FOXP2: variants seen among roughly 807,000 people sequenced by gnomAD.
The protein encoded by FOXP2 is forkhead box P2.
In FOXP2, 12 loss-of-function variants were observed where a neutral mutation model predicts 115.8. The ratio of observed to expected loss-of-function variants is 0.10; its 90% CI spans 0.07 to 0.17. FOXP2 has a LOEUF of 0.17. FOXP2 is among the 10% of genes least tolerant of loss of function. FOXP2 has a pLI of 1.00. For missense variants in FOXP2, 629 were observed against 843.5 expected (o/e 0.75, Z 3.15); for synonymous variants, 328 against 297.7 (o/e 1.10, Z -1.05).
chr7:114,329,128 G>A (rs1797632107), intron 2 of FOXP2, among the ~76,000 whole-genome samples: 1 of 152,130 alleles, frequency 6.6e-6, no homozygotes. Context: ...ATTGAATGCT[G>A]TTTGCCTTTA....
chr7:114,308,840 T>C lies in FOXP2; in HGVS notation c.-11+20731T>C, dbSNP rs138548710. Among the ~76,000 whole-genome samples, 488 of 152,280 alleles carry C rather than the reference T, an allele frequency of 3.2e-3. 4 individuals carry two copies. Among genetic ancestry groups the C allele is most frequent in the African/African-American group, 0.011 (469 of 41,566 alleles). On this transcript the variant is annotated intron_variant, in intron 2 of 17. Transcript: ENST00000634411. ...CATGGCCAGAGTTGGCTGATTAGAC[T>C]GAAACGGTGCCATTGTAATCCAAAA...
At chr7:114,464,662 A>G (rs535238025) in intron 2 of FOXP2, among the ~76,000 whole-genome samples, 3 of 152,278 alleles carry the variant, frequency 2.0e-5, no homozygotes, top group Admixed American at 6.5e-5. Context: ...TTTTTTCACC[A>G]TTTGTTTCAG....
intron 3 of FOXP2, among the ~76,000 whole-genome samples, chr7:114,565,977 A>G (rs200532438): frequency 6.6e-6 from 1 of 152,084 alleles, no homozygotes; most frequent in East Asian, 1.9e-4. Context: ...GCAATTTAAA[A>G]TTTGTTTTTC....
At chr7:114,131,059 C>T (rs1490827724) in intron 1 of FOXP2, among the ~76,000 whole-genome samples, 1 of 152,126 alleles carries the variant, frequency 6.6e-6, no homozygotes, top group African/African-American at 2.4e-5. Flanking sequence ...CAACAGTTTA[C>T]GTATTTTTTC....
intron 2 of FOXP2, among the ~76,000 whole-genome samples, chr7:114,395,218 A>G (rs1184611325): frequency 1.3e-5 from 2 of 152,216 alleles, no homozygotes; most frequent in African/African-American, 2.4e-5. Flanking sequence ...AGTGTTTATA[A>G]TTTATTAGAA....
intron 2 of FOXP2, among the ~76,000 whole-genome samples, chr7:114,509,978 G>T (rs899982651): frequency 2.0e-5 from 3 of 151,984 alleles, no homozygotes; most frequent in Non-Finnish European, 4.4e-5. Flanking sequence ...AGAAAACATG[G>T]TCAGAAAGCT....
At chr7:114,433,932 G>T (rs1376229249) in intron 2 of FOXP2, among the ~76,000 whole-genome samples, 2 of 151,770 alleles carry the variant, frequency 1.3e-5, no homozygotes, top group African/African-American at 4.8e-5. Flanking sequence ...AATTCATCTG[G>T]CAAAAGAGGA....
At chr7:114,211,382 A>G (rs1195168316) in intron 1 of FOXP2, among the ~76,000 whole-genome samples, 4 of 152,176 alleles carry the variant, frequency 2.6e-5, no homozygotes, top group Non-Finnish European at 5.9e-5. Context: ...GGTTGCAAAG[A>G]TCCACGGGAA....
chr7:114,276,384 C>T (rs1562849697), intron 1 of FOXP2, among the ~76,000 whole-genome samples: 1 of 152,008 alleles, frequency 6.6e-6, no homozygotes, highest in African/African-American at 2.4e-5. Flanking sequence ...AGGCTGGTCT[C>T]GAACTCCTGA....
At chr7:114,405,932 A>G (rs1210298120) in intron 2 of FOXP2, among the ~76,000 whole-genome samples, 1 of 151,794 alleles carries the variant, frequency 6.6e-6, no homozygotes, top group Non-Finnish European at 1.5e-5. Context: ...CTTCTTTGAT[A>G]ATGCTGACTT....
At chr7:114,651,590 A>T (rs1379278574) in intron 8 of FOXP2, among the ~76,000 whole-genome samples, 1 of 152,118 alleles carries the variant, frequency 6.6e-6, no homozygotes. Context: ...TAAAAATAAG[A>T]TTAGGACAAA....
At chr7:114,574,031 C>T (rs1291272337) in intron 3 of FOXP2, among the ~76,000 whole-genome samples, 1 of 151,688 alleles carries the variant, frequency 6.6e-6, no homozygotes, top group Admixed American at 6.6e-5. Flanking sequence ...TGGCCATCCC[C>T]TGAGTATTGT....
intron 1 of FOXP2, among the ~76,000 whole-genome samples, chr7:114,163,314 T>C (rs1792889561): frequency 6.6e-6 from 1 of 152,148 alleles, no homozygotes; most frequent in Admixed American, 6.5e-5. Context: ...TTAATATTAA[T>C]TGTATTTTCT....
At chr7:114,534,731 G>A (rs1221407064) in intron 3 of FOXP2, 25 bp downstream of exon 3, 1 of 1,577,372 alleles carries the variant, frequency 6.3e-7, no homozygotes, top group East Asian at 2.2e-5. Flanking sequence ...CCTGTCCTTG[G>A]GGTCTTATTT....
intron 1 of FOXP2, among the ~76,000 whole-genome samples, chr7:114,138,481 T>C (rs1332148605): frequency 1.3e-5 from 2 of 150,038 alleles, no homozygotes; most frequent in African/African-American, 4.9e-5. Flanking sequence ...AACCTCTGCC[T>C]CCCGGGTTCA....
In FOXP2 at chr7:114,691,929, C is replaced by CAAAAAAAAAAAAAGA; in HGVS notation, c.*2016_*2030dup. The CAAAAAAAAAAAAAGA allele has an allele frequency of 4.0e-6, 1 of 250,940 alleles. No homozygotes were observed. Among genetic ancestry groups the CAAAAAAAAAAAAAGA allele is most frequent in the Non-Finnish European group, 7.2e-6 (1 of 138,918 alleles). The allele number at this position is 250,940 out of a possible 1,614,324, so 15.5% of individuals were successfully genotyped here. A position where few individuals can be genotyped will look rare whatever the true frequency, so the allele number is the denominator to read the frequency against. On this transcript the variant is annotated 3_prime_UTR_variant, in exon 17 of 17. Transcript: ENST00000350908. ...GGCTTTCTGAAAGCTTCTACCTCTG[C>CAAAAAAAAAAAAAGA]AAAAAAAAAAAAAGAAAAAAAAAAA... is the stretch of plus-strand genomic sequence containing the variant.
In FOXP2 at chr7:114,587,882, T is replaced by TATATATATATATAAAGGTG. The variant is rs1401649414; in HGVS notation, c.259-40658_259-40657insATATATATATATAAAGGTG. Among the ~76,000 whole-genome samples the TATATATATATATAAAGGTG allele has an allele frequency of 3.3e-5, 2 of 61,326 alleles. 1 individual carries two copies. Among genetic ancestry groups the TATATATATATATAAAGGTG allele is most frequent in the Non-Finnish European group, 8.4e-5 (2 of 23,776 alleles). The allele number at this position is 61,326 out of a possible 152,430, so 40.2% of individuals were successfully genotyped here. A position where few individuals can be genotyped will look rare whatever the true frequency, so the allele number is the denominator to read the frequency against. On this transcript the variant is annotated intron_variant, in intron 3 of 16. Coordinates refer to ENST00000350908, the MANE Select transcript of FOXP2 (RefSeq NM_014491.4). ...ATTGGGTGAATAAGAGATAATTAAA[T>TATATATATATATAAAGGTG]CCACCTTTCTTAGTGCCTTATTAAT...
At chr7:114,653,846 A>G (rs1339144072) in intron 9 of FOXP2, 80 bp from the exon 10 acceptor site, 3 of 1,389,398 alleles carry the variant, frequency 2.2e-6, no homozygotes, top group Non-Finnish European at 2.0e-6. Context: ...AGGCAAGCTC[A>G]ATGATAAGAT....
rs529648536 is a variant in FOXP2, at chr7:114,371,087, C to A, written c.-10-55415C>A. ...ATATTCCTTATCTCAAATAGGAATACTCCTTTTTATTTATTTATTTATTTT... is the reference window on the plus strand; with the variant it reads ...ATATTCCTTATCTCAAATAGGAATAATCCTTTTTATTTATTTATTTATTTT... On this transcript the variant is annotated intron_variant, in intron 2 of 17. Transcript: ENST00000634411. 8.5e-5 allele frequency among the ~76,000 whole-genome samples: 13 copies of A among 152,066 alleles called. 1 individual carries two copies. Among genetic ancestry groups the A allele is most frequent in the African/African-American group, 2.9e-4 (12 of 41,482 alleles).
Sources: allele counts gnomAD v4.1 joint callset (sites outside exome capture counted in the v4.1 genomes callset), GRCh38; gene constraint gnomAD v4.1.1; transcripts MANE v1.5; gene names NCBI Gene and HGNC (gene_info 2026-07-23, HGNC 2026-07-21).